The following GSG1 variants were observed in gnomAD, a reference collection of about 807,000 sequenced individuals.
The protein encoded by GSG1 is germ cell-specific gene 1 protein.
Under a neutral mutation model 30.8 loss-of-function variants are expected in GSG1, and 28 were observed. The observed-to-expected ratio is 0.91, with a 90% CI of 0.67 to 1.25. GSG1 has a LOEUF of 1.25. Ranked by LOEUF, GSG1 falls within the 50% of genes most tolerant of loss-of-function variation. The pLI, the probability that GSG1 is intolerant of heterozygous loss-of-function variation, is 0.00. For synonymous variants in GSG1, 162 were observed against 178.0 expected (o/e 0.91, Z 0.71); for missense variants, 435 against 444.7 (o/e 0.98, Z 0.20).
In GSG1 at chr12:13,084,767, T is replaced by C. The variant is rs1230357158; in HGVS notation, c.*134A>G. Reference sequence around the variant, plus strand: ...CCAGGAATCCCTTAGGACTTAAAGATAACCCTTATTCATAGCCTTATTCGT... The same window carrying C: ...CCAGGAATCCCTTAGGACTTAAAGACAACCCTTATTCATAGCCTTATTCGT... On this transcript the variant is annotated 3_prime_UTR_variant, in exon 7 of 7. Transcript: ENST00000651961. The C allele has an allele frequency of 1.6e-6, 1 of 613,040 alleles. No homozygotes were observed. The highest frequency in any genetic ancestry group is 3.0e-5 in the Admixed American group (1 of 33,596). The allele number at this position is 613,040 out of a possible 1,614,324, so 38.0% of individuals were successfully genotyped here.
chr12:13,099,750 G>GTTTTTTTTTTTTTTTGTTTTTT (rs1863024782), intron 1 of GSG1, among the ~76,000 whole-genome samples: 1 of 114,834 alleles, frequency 8.7e-6, no homozygotes, highest in Non-Finnish European at 1.8e-5. Context: ...GTTTTTTTTT[G>GTTTTTTTTTTTTTTTGTTTTTT]TTTTTTTTTT....
rs1358864259 is a variant in GSG1 at position 13,101,364 on chromosome 12, C to T, written c.48+2101G>A. Among the ~76,000 whole-genome samples, 1 of 152,228 alleles carries T rather than the reference C, an allele frequency of 6.6e-6. No homozygotes were observed. The highest frequency in any genetic ancestry group is 2.4e-5 in the African/African-American group (1 of 41,462). Reference sequence around the variant, plus strand: ...GGCCGGCCGTGTTTGGCATTGTTTGCGAGGCCCCGCCCCGCGGCCGCCAAC... The same window carrying T: ...GGCCGGCCGTGTTTGGCATTGTTTGTGAGGCCCCGCCCCGCGGCCGCCAAC... On this transcript the variant is annotated intron_variant, in intron 1 of 6. Transcript: ENST00000651961. This position sits in a 1 kb window ranked among gnomAD's most constrained non-coding sequence, Gnocchi z 5.8.
chr12:13,098,830 T>C (rs1398277092), intron 1 of GSG1, among the ~76,000 whole-genome samples: 1 of 152,024 alleles, frequency 6.6e-6, no homozygotes, highest in Non-Finnish European at 1.5e-5. Flanking sequence ...TCCAGGGAAA[T>C]GGGGATGGGA....
intron 2 of GSG1, 88 bp downstream of exon 2, chr12:13,090,415 C>T (rs1271312542): frequency 6.2e-6 from 8 of 1,294,480 alleles, no homozygotes; most frequent in Non-Finnish European, 7.5e-6. Context: ...AACGCCAGCC[C>T]TAAGCGGGCC....
At chr12:13,098,258 A>C (rs1400965129) in intron 1 of GSG1, among the ~76,000 whole-genome samples, 1 of 151,054 alleles carries the variant, frequency 6.6e-6, no homozygotes, top group Middle Eastern at 3.2e-3. Context: ...TTCCCCCACC[A>C]GTCGGCAAAA....
In GSG1 at chr12:13,091,538, TA is replaced by T. The variant is rs542929125; in HGVS notation, c.49-721del. Among the ~76,000 whole-genome samples the T allele has an allele frequency of 2.1e-3, 318 of 152,268 alleles. 1 individual carries two copies. Among genetic ancestry groups the T allele is most frequent in the African/African-American group, 7.5e-3 (311 of 41,554 alleles). On this transcript the variant is annotated intron_variant, in intron 1 of 6. Coordinates refer to ENST00000651961, the MANE Select transcript of GSG1 (RefSeq NM_001080555.4). ...GGGTAACATAGTGAGACCCTGTCTC[TA>T]CGGAAAATAAAAAAATTAGCCGGGC...
intron 4 of GSG1, among the ~76,000 whole-genome samples, chr12:13,088,535 G>C (rs1303680520): frequency 6.6e-6 from 1 of 152,186 alleles, no homozygotes; most frequent in Non-Finnish European, 1.5e-5. Context: ...GGTTAGCACT[G>C]TTGGTGGTTT....
intron 1 of GSG1, among the ~76,000 whole-genome samples, chr12:13,091,293 A>G (rs2120769940): frequency 6.6e-6 from 1 of 152,374 alleles, no homozygotes. Flanking sequence ...ACTGTAGGTC[A>G]TAAGACTCCC....
At chr12:13,088,968 C>T (rs973039302) in intron 3 of GSG1, 59 bp from the exon 4 acceptor site, 8 of 1,587,338 alleles carry the variant, frequency 5.0e-6, no homozygotes, top group Non-Finnish European at 6.9e-6. Flanking sequence ...GGAATGAAAA[C>T]CTTCCCCACC....
rs748102808 is a variant in GSG1, at chr12:13,087,035, C to G, written c.746+117G>C. On this transcript the variant is annotated intron_variant, in intron 6 of 6. Transcript: ENST00000651961. ...TGCAGCCCTGTGTGGTTGACAGGCT[C>G]TTGGGATGAGGGATGAAGAGAAGGC... The G allele has an allele frequency of 1.3e-5, 9 of 673,258 alleles. No homozygotes were observed. In the Admixed American group the frequency reaches 1.8e-4, roughly 14 times the overall value. 41.7% of individuals were successfully genotyped at this position (673,258 alleles called of 1,614,324 possible).
intron 2 of GSG1, among the ~76,000 whole-genome samples, 173 bp downstream of exon 2, chr12:13,090,330 C>T (rs939157940): frequency 2.0e-5 from 3 of 152,212 alleles, no homozygotes; most frequent in South Asian, 2.1e-4. Context: ...GGACACTGGA[C>T]GGAGGTGGAA....
rs745397183 is a variant in GSG1 at position 13,088,079 on chromosome 12, G to A, written c.482-20C>T. 7 of 1,613,908 alleles carry A rather than the reference G, an allele frequency of 4.3e-6. No individual in the cohort carries two copies. The African/African-American group carries it at 8.0e-5, about 18-fold the overall frequency. ...GGATTTCTGCCAGAAACCAGAGGAA[G>A]AGGGAGCGCTCACCCTGACAGTTAA... is the stretch of plus-strand genomic sequence containing the variant. On this transcript the variant is annotated intron_variant, in intron 4 of 6. Coordinates refer to ENST00000651961, the MANE Select transcript of GSG1 (RefSeq NM_001080555.4).
chr12:13,088,468 G>A (rs1322389906), intron 4 of GSG1, among the ~76,000 whole-genome samples: 9 of 152,112 alleles, frequency 5.9e-5, no homozygotes, highest in Non-Finnish European at 7.3e-5. Flanking sequence ...TAATAATAGT[G>A]GAGAAAAAGG....
At chr12:13,098,155 T>TA (rs1432128670) in intron 1 of GSG1, among the ~76,000 whole-genome samples, 11 of 151,816 alleles carry the variant, frequency 7.2e-5, no homozygotes, top group Non-Finnish European at 1.6e-4. Flanking sequence ...TTTTTTTTTT[T>TA]ACGGTTGCAT....
At chr12:13,087,821 C>T in intron 5 of GSG1, 86 bp downstream of exon 5, 2 of 1,432,426 alleles carry the variant, frequency 1.4e-6, no homozygotes, top group Non-Finnish European at 1.9e-6. Flanking sequence ...GGCTCCTCCC[C>T]TTCAGGGCAA....
At chr12:13,095,447 C>G (rs1866581043) in intron 1 of GSG1, 2 of 814,476 alleles carry the variant, frequency 2.5e-6, no homozygotes, top group South Asian at 2.8e-5. Flanking sequence ...AATCAGTAAC[C>G]CTTACATCAG....
intron 1 of GSG1, among the ~76,000 whole-genome samples, chr12:13,099,763 T>TTGTTTTTG (rs1863052522): frequency 6.7e-6 from 1 of 148,574 alleles, no homozygotes; most frequent in African/African-American, 2.5e-5. Context: ...TTTTTTTTTT[T>TTGTTTTTG]TTTTTGTTTT....
Position 13,084,781 on chromosome 12 carries a change from AG to A in GSG1, c.*119del. 1.5e-6 allele frequency: 1 copy of A among 659,056 alleles called. No homozygotes were observed. The allele number at this position is 659,056 out of a possible 1,614,324, so 40.8% of individuals were successfully genotyped here. Reference sequence around the variant, plus strand: ...GGACTTAAAGATAACCCTTATTCATAGCCTTATTCGTAGCCTCTAAAAACCA... The same window carrying A: ...GGACTTAAAGATAACCCTTATTCATACCTTATTCGTAGCCTCTAAAAACCA... On this transcript the variant is annotated 3_prime_UTR_variant, in exon 7 of 7. Coordinates refer to ENST00000651961, the MANE Select transcript of GSG1 (RefSeq NM_001080555.4).
rs1207696779 is a variant in GSG1 at position 13,098,893 on chromosome 12, T to C, written c.48+4572A>G. 1.4e-4 allele frequency among the ~76,000 whole-genome samples: 22 copies of C among 152,270 alleles called. No homozygotes were observed. The East Asian group carries it at 4.2e-3, about 29-fold the overall frequency. ...AGGAGGCTCAGGGGTGGATTTAGAG[T>C]GAAGCTAATGAAACTTCAGCTTCCA... On this transcript the variant is annotated intron_variant, in intron 1 of 6. Coordinates refer to ENST00000651961, the MANE Select transcript of GSG1 (RefSeq NM_001080555.4).
Sources: gnomAD v4.1 joint callset for allele counts (sites outside exome capture counted in the v4.1 genomes callset) on GRCh38, gnomAD v4.1.1 for gene constraint, Gnocchi (gnomAD v3.1) non-coding constraint, MANE v1.5 for transcripts, NCBI Gene and HGNC (gene_info 2026-07-23, HGNC 2026-07-21) for gene names.